AHI1: variants seen among roughly 807,000 people sequenced by gnomAD.
The protein encoded by AHI1 is jouberin.
AHI1 carries 123 observed loss-of-function variants against 149.3 expected under a neutral mutation model. The observed-to-expected ratio is 0.82, with a 90% CI of 0.71 to 0.96. AHI1 has a LOEUF of 0.96. Ranked by LOEUF, AHI1 falls within the 40% of genes least tolerant of loss-of-function variation. The pLI, the probability that AHI1 is intolerant of heterozygous loss-of-function variation, is 0.00. For synonymous variants in AHI1, 475 were observed against 459.8 expected, an observed-to-expected ratio of 1.03 and a Z score of -0.42; for missense variants, 1,439 against 1,422.7, an observed-to-expected ratio of 1.01 and a Z score of -0.18.
At chr6:135,489,758 T>G (rs1208712405) in intron 5 of AHI1, among the ~76,000 whole-genome samples, 1 of 152,244 alleles carries the variant, frequency 6.6e-6, no homozygotes, top group East Asian at 1.9e-4. Context: ...CTACTTGTTT[T>G]TGCCTCACTT....
At chr6:135,307,220 C>T (rs1206107179) in intron 26 of AHI1, 1 of 152,122 alleles carries the variant, frequency 6.6e-6, no homozygotes, top group Non-Finnish European at 1.5e-5. Context: ...GAATAAAAGA[C>T]ACACTTAAAT....
chr6:135,431,081 C>A, intron 17 of AHI1, 127 bp downstream of exon 17: 1 of 603,678 alleles, frequency 1.7e-6, no homozygotes, highest in Non-Finnish European at 2.8e-6. Flanking sequence ...TTATTGATAA[C>A]TAAGAAAAAC....
rs188607291 is a variant in AHI1, at chr6:135,450,357, G to A, written c.1441-1882C>T. 3.0e-3 allele frequency among the ~76,000 whole-genome samples: 451 copies of A among 152,284 alleles called. 17 individuals carry two copies. Among genetic ancestry groups the A allele is most frequent in the Admixed American group, 0.026 (399 of 15,296 alleles). The stretch of plus-strand genomic sequence containing the variant: ...TAGTGGCAGAGGCAAAATTCAGAAC[G>A]TTGTTCAGGAATGATAAGTTAAGGA... On this transcript the variant is annotated intron_variant, in intron 11 of 28. Transcript: ENST00000265602.
intron 8 of AHI1, among the ~76,000 whole-genome samples, chr6:135,462,225 T>C (rs903236907): frequency 1.3e-5 from 2 of 151,960 alleles, no homozygotes; most frequent in African/African-American, 2.4e-5. Flanking sequence ...AAATCTAAAA[T>C]TGCCCATTTT....
intron 17 of AHI1, 52 bp from the exon 18 acceptor site, chr6:135,430,052 C>CT: frequency 1.0e-6 from 1 of 981,112 alleles, no homozygotes; most frequent in Non-Finnish European, 1.5e-6. Context: ...TAATGTTAAA[C>CT]TTTTTTGGGG....
intron 26 of AHI1, among the ~76,000 whole-genome samples, chr6:135,315,276 G>T (rs1785772189): frequency 6.6e-6 from 1 of 152,112 alleles, no homozygotes; most frequent in South Asian, 2.1e-4. Context: ...ATCATAACCT[G>T]AGCTGCCTGA....
chr6:135,467,506 T>C, intron 6 of AHI1, 75 bp downstream of exon 6: 1 of 1,170,090 alleles, frequency 8.5e-7, no homozygotes, highest in Middle Eastern at 2.1e-4. Flanking sequence ...AAACCATTGC[T>C]GACTGTGTAT....
chr6:135,319,906 C>T (rs990725820), intron 25 of AHI1, among the ~76,000 whole-genome samples: 4 of 152,038 alleles, frequency 2.6e-5, no homozygotes, highest in Non-Finnish European at 4.4e-5. Flanking sequence ...AGTGGGAGTA[C>T]GAACTTCTTT....
intron 13 of AHI1, 53 bp from the exon 14 acceptor site, chr6:135,442,767 G>C: frequency 6.7e-7 from 1 of 1,491,718 alleles, no homozygotes; most frequent in Non-Finnish European, 9.0e-7. Context: ...AAACGCGAAG[G>C]CTAGTTTTTA....
intron 26 of AHI1, 83 bp from the exon 27 acceptor site, chr6:135,300,641 C>G: frequency 6.5e-7 from 1 of 1,540,388 alleles, no homozygotes; most frequent in Non-Finnish European, 8.8e-7. Flanking sequence ...GAAAACCCAC[C>G]AACTTCCTGA....
chr6:135,478,071 G>T (rs1792998188), intron 5 of AHI1, among the ~76,000 whole-genome samples: 1 of 152,140 alleles, frequency 6.6e-6, no homozygotes, highest in Non-Finnish European at 1.5e-5. Context: ...AAAGTGCTGG[G>T]ATTACAGGCA....
At chr6:135,362,768 C>T (rs557021759) in intron 23 of AHI1, among the ~76,000 whole-genome samples, 1 of 151,948 alleles carries the variant, frequency 6.6e-6, no homozygotes, top group Admixed American at 6.5e-5. Context: ...GTATAGTAGT[C>T]CTTTGTCAGA....
chr6:135,300,278 T>C (rs1783687759), intron 27 of AHI1, among the ~76,000 whole-genome samples: 1 of 149,258 alleles, frequency 6.7e-6, no homozygotes. Flanking sequence ...TGAGCTGAGA[T>C]TGTGCCACGG....
At chr6:135,484,770 A>C (rs1008643043) in intron 5 of AHI1, among the ~76,000 whole-genome samples, 28 of 152,128 alleles carry the variant, frequency 1.8e-4, no homozygotes, top group African/African-American at 6.7e-4. Flanking sequence ...AAAAAAAAAA[A>C]CTTATACATT....
intron 5 of AHI1, among the ~76,000 whole-genome samples, chr6:135,486,263 T>TATCGAA (rs1794455864): frequency 6.6e-6 from 1 of 152,276 alleles, no homozygotes; most frequent in East Asian, 1.9e-4. Flanking sequence ...CATGGAAAAC[T>TATCGAA]ATCGAAATCA....
chr6:135,357,109 T>C (rs1243644362), intron 24 of AHI1, among the ~76,000 whole-genome samples: 2 of 152,096 alleles, frequency 1.3e-5, no homozygotes, highest in East Asian at 3.9e-4. Flanking sequence ...CAGATAACTT[T>C]TTGTATTTTA....
At chr6:135,292,851 T>C (rs1311608575) in intron 27 of AHI1, among the ~76,000 whole-genome samples, 1 of 152,162 alleles carries the variant, frequency 6.6e-6, no homozygotes, top group East Asian at 1.9e-4. Context: ...CTACACAAAC[T>C]ATTCTAGAAA....
At chr6:135,321,269 A>G (rs941690887) in intron 25 of AHI1, among the ~76,000 whole-genome samples, 42 of 152,186 alleles carry the variant, frequency 2.8e-4, no homozygotes, top group African/African-American at 8.9e-4. Context: ...TCTCAGAAAA[A>G]AAAGAAAGAA....
At chr6:135,291,010 C>T (rs1460454721) in intron 27 of AHI1, among the ~76,000 whole-genome samples, 1 of 151,764 alleles carries the variant, frequency 6.6e-6, no homozygotes, top group African/African-American at 2.4e-5. Flanking sequence ...AAAGCTGTAA[C>T]ATCCTGATCT....
Sources: gnomAD v4.1 joint callset for allele counts (sites outside exome capture counted in the v4.1 genomes callset) on GRCh38, gnomAD v4.1.1 for gene constraint, MANE v1.5 for transcripts, NCBI Gene and HGNC (gene_info 2026-07-23, HGNC 2026-07-21) for gene names.